EPHA4: variants seen among roughly 807,000 people sequenced by gnomAD.
The protein encoded by EPHA4 is EPH receptor A4.
Under a neutral mutation model 108.3 loss-of-function variants are expected in EPHA4, and 19 were observed. The observed-to-expected ratio is 0.18, with a 90% CI of 0.12 to 0.26. The LOEUF (loss-of-function observed/expected upper bound fraction) is 0.26, where lower values mean the gene tolerates loss of function less well. EPHA4 is among the 10% of genes least tolerant of loss of function. The pLI is 1.00. For synonymous variants in EPHA4, 449 were observed against 455.5 expected (o/e 0.99, Z 0.18); for missense variants, 917 against 1,254.0 (o/e 0.73, Z 4.06).
chr2:221,563,722 C>T lies in EPHA4; in HGVS notation c.823+9G>A, dbSNP rs1247336117. 6.2e-7 allele frequency: 1 copy of T among 1,612,394 alleles called. No homozygotes were observed. The highest frequency in any genetic ancestry group is 8.5e-7 in the Non-Finnish European group (1 of 1,178,942). Reference sequence around the variant, plus strand: ...CCCAGTGAAAAAACTGCAATATGGACCCTCTTACCTTGGCATTCTCCGCTC... The same window carrying T: ...CCCAGTGAAAAAACTGCAATATGGATCCTCTTACCTTGGCATTCTCCGCTC... On this transcript the variant is annotated intron_variant, in intron 3 of 17. Coordinates refer to ENST00000281821, the MANE Select transcript of EPHA4 (RefSeq NM_004438.5).
At chr2:221,435,143 G>A (rs972088577) in intron 13 of EPHA4, among the ~76,000 whole-genome samples, 26 of 152,088 alleles carry the variant, frequency 1.7e-4, no homozygotes, top group African/African-American at 5.6e-4. Context: ...GTAGGGCTAC[G>A]AAACAGGACA....
intron 2 of EPHA4, among the ~76,000 whole-genome samples, chr2:221,564,887 C>CAAAAA (rs1233305564): frequency 6.8e-5 from 5 of 73,066 alleles, no homozygotes; most frequent in African/African-American, 2.4e-4. Flanking sequence ...TCTAATACCT[C>CAAAAA]AAAAAAAAAA....
chr2:221,548,300 T>C (rs1296545735), intron 3 of EPHA4, among the ~76,000 whole-genome samples: 2 of 151,474 alleles, frequency 1.3e-5, no homozygotes, highest in African/African-American at 4.9e-5. Flanking sequence ...AAGGTTGCAG[T>C]GAGCCAAGAT....
Position 221,443,147 on chromosome 2 carries a change from T to C in EPHA4, c.1889-133A>G, listed in dbSNP as rs1430424527. On this transcript the variant is annotated intron_variant, in intron 10 of 17. Coordinates refer to ENST00000281821, the MANE Select transcript of EPHA4 (RefSeq NM_004438.5). ...GCTTTGCATAGATTATTTCACAAAA[T>C]CCTCCATGCAACCCTGAAGTAGATG... The C allele has an allele frequency of 8.7e-6, 8 of 914,296 alleles. No homozygotes were observed. In the African/African-American group the frequency reaches 9.9e-5, roughly 11 times the overall value. The allele number at this position is 914,296 out of a possible 1,614,324, so 56.6% of individuals were successfully genotyped here.
chr2:221,453,082 G>T (rs748232190), intron 8 of EPHA4, among the ~76,000 whole-genome samples: 4 of 152,120 alleles, frequency 2.6e-5, no homozygotes, highest in Non-Finnish European at 2.9e-5. Context: ...AAACAAAAAA[G>T]CAAAGTAAAT....
intron 12 of EPHA4, among the ~76,000 whole-genome samples, 161 bp from the exon 13 acceptor site, chr2:221,436,769 T>C (rs1690253550): frequency 1.3e-5 from 2 of 152,196 alleles, no homozygotes; most frequent in African/African-American, 2.4e-5. Flanking sequence ...AATTCACTAG[T>C]AGACTGTACC....
At chr2:221,480,711 T>G (rs1691793095) in intron 5 of EPHA4, among the ~76,000 whole-genome samples, 1 of 152,204 alleles carries the variant, frequency 6.6e-6, no homozygotes, top group African/African-American at 2.4e-5. Context: ...CATTAGATAT[T>G]TTAAAAGACT....
chr2:221,452,622 T>C (rs2106114389), intron 8 of EPHA4, among the ~76,000 whole-genome samples: 1 of 152,278 alleles, frequency 6.6e-6, no homozygotes. Flanking sequence ...AGAATCAATA[T>C]GAGGGCAAGG....
At chr2:221,546,180 A>G (rs2106194678) in intron 3 of EPHA4, among the ~76,000 whole-genome samples, 1 of 152,264 alleles carries the variant, frequency 6.6e-6, no homozygotes, top group Middle Eastern at 3.4e-3. Context: ...CTATATGGGG[A>G]TGGGGGAGGG....
intron 3 of EPHA4, among the ~76,000 whole-genome samples, chr2:221,557,472 CAT>C: frequency 6.6e-6 from 1 of 152,308 alleles, no homozygotes; most frequent in East Asian, 1.9e-4. Flanking sequence ...TACATTCATG[CAT>C]ATATGTGTGT....
intron 3 of EPHA4, among the ~76,000 whole-genome samples, chr2:221,555,095 T>C (rs999189300): frequency 1.3e-5 from 2 of 151,896 alleles, no homozygotes; most frequent in African/African-American, 4.8e-5. Context: ...AAGGTCAAAA[T>C]GAAATGAGCA....
chr2:221,529,849 C>T (rs1232396886), intron 3 of EPHA4, among the ~76,000 whole-genome samples: 1 of 152,138 alleles, frequency 6.6e-6, no homozygotes, highest in Non-Finnish European at 1.5e-5. Flanking sequence ...TTTGAGGAAA[C>T]CCACGAGTCT....
intron 2 of EPHA4, among the ~76,000 whole-genome samples, chr2:221,565,047 C>T (rs1026082642): frequency 6.6e-6 from 1 of 152,024 alleles, no homozygotes; most frequent in African/African-American, 2.4e-5. Context: ...TCATTTATAA[C>T]AGTAGACAAC....
chr2:221,477,936 A>C (rs1486848774), intron 5 of EPHA4, among the ~76,000 whole-genome samples: 1 of 152,186 alleles, frequency 6.6e-6, no homozygotes, highest in African/African-American at 2.4e-5. Flanking sequence ...TCACTAGGAC[A>C]CCATAGCTGT....
At chr2:221,445,584 C>G (rs976343723) in intron 9 of EPHA4, among the ~76,000 whole-genome samples, 1 of 126,812 alleles carries the variant, frequency 7.9e-6, no homozygotes, top group African/African-American at 2.9e-5. Context: ...AGCAAGACTC[C>G]GTCAGAAAAA....
At position 221,419,500 on chromosome 2, in the gene EPHA4, A is replaced by G. The variant is rs894145671; in HGVS notation, c.*1872T>C. On this transcript the variant is annotated 3_prime_UTR_variant, in exon 18 of 18. Transcript: ENST00000281821. Reference sequence around the variant, plus strand: ...ATATTCGTTCGCATTCAACAAGTCCATTTATGCAGGAAAACAAAGGCTACT... The same window carrying G: ...ATATTCGTTCGCATTCAACAAGTCCGTTTATGCAGGAAAACAAAGGCTACT... 6.6e-6 allele frequency: 1 copy of G among 152,654 alleles called. No individual in the cohort carries two copies. The highest frequency in any genetic ancestry group is 1.9e-4 in the East Asian group (1 of 5,202). The allele number at this position is 152,654 out of a possible 1,614,324, so 9.5% of individuals were successfully genotyped here. A position where few individuals can be genotyped will look rare whatever the true frequency, so the allele number is the denominator to read the frequency against.
chr2:221,483,694 T>C (rs1691898662), intron 4 of EPHA4, among the ~76,000 whole-genome samples: 1 of 152,194 alleles, frequency 6.6e-6, no homozygotes, highest in Admixed American at 6.5e-5. Context: ...TTGGCGGAGT[T>C]TGGCCATGTT....
chr2:221,521,090 A>G (rs1293794326), intron 3 of EPHA4, among the ~76,000 whole-genome samples: 1 of 152,232 alleles, frequency 6.6e-6, no homozygotes, highest in African/African-American at 2.4e-5. Flanking sequence ...TATTTCATAC[A>G]CAACAAGGCT....
At chr2:221,489,095 G>A (rs563328540) in intron 4 of EPHA4, among the ~76,000 whole-genome samples, 22 of 152,286 alleles carry the variant, frequency 1.4e-4, no homozygotes, top group South Asian at 6.2e-4. Context: ...TGTCTCCAGT[G>A]TGTCTATAAG....
Sources: allele counts gnomAD v4.1 joint callset (sites outside exome capture counted in the v4.1 genomes callset), GRCh38; gene constraint gnomAD v4.1.1; transcripts MANE v1.5; gene names NCBI Gene and HGNC (gene_info 2026-07-23, HGNC 2026-07-21).